SHISA9: variants seen among roughly 807,000 people sequenced by gnomAD.
The protein encoded by SHISA9 is protein shisa-9.
In SHISA9, 13 loss-of-function variants were observed where a neutral mutation model predicts 38.0. That is an observed-to-expected ratio of 0.34 (90% CI 0.22 to 0.54). SHISA9 has a LOEUF of 0.54. Among genes scored for constraint, SHISA9 ranks in the 20% least tolerant of loss-of-function variants. SHISA9 has a pLI of 0.91. For missense variants in SHISA9, 538 were observed against 575.8 expected (o/e 0.93, Z 0.67); for synonymous variants, 275 against 242.0 (o/e 1.14, Z -1.27).
At chr16:13,560,346 G>A in the SHISA9 span, among the ~76,000 whole-genome samples, 1 of 152,190 alleles carries the variant, frequency 6.6e-6, no homozygotes, top group Non-Finnish European at 1.5e-5. Context: ...CCATAGCCAG[G>A]AGGGTGTAAG....
intron 2 of SHISA9, among the ~76,000 whole-genome samples, chr16:13,000,145 T>C (rs1321972518): frequency 2.6e-5 from 4 of 152,206 alleles, no homozygotes; most frequent in Admixed American, 2.6e-4. Flanking sequence ...AGTCAAAGGT[T>C]TGGAGTCAGA....
chr16:13,068,587 G>A (rs1038183672), intron 2 of SHISA9, among the ~76,000 whole-genome samples: 17 of 152,176 alleles, frequency 1.1e-4, no homozygotes, highest in Non-Finnish European at 4.4e-5. Flanking sequence ...TTCCATCCTA[G>A]CAGCTCCGTA....
chr16:12,932,609 C>T (rs76432733), intron 2 of SHISA9, among the ~76,000 whole-genome samples: 2 of 152,154 alleles, frequency 1.3e-5, no homozygotes, highest in Non-Finnish European at 2.9e-5. Flanking sequence ...TCCCAAAGTG[C>T]TGGGATTGCA....
chr16:13,150,051 A>AC (rs1274811858), intron 2 of SHISA9, among the ~76,000 whole-genome samples: 1 of 150,250 alleles, frequency 6.7e-6, no homozygotes, highest in Non-Finnish European at 1.5e-5. Context: ...AAAAAAAAAA[A>AC]AAAACTAGCC....
chr16:13,151,127 G>C (rs1398330528), intron 2 of SHISA9, among the ~76,000 whole-genome samples: 1 of 152,062 alleles, frequency 6.6e-6, no homozygotes, highest in African/African-American at 2.4e-5. Flanking sequence ...TTTTATTTTA[G>C]ATGGAGTCTT....
At chr16:13,283,029 A>G in the SHISA9 span, among the ~76,000 whole-genome samples, 6 of 151,992 alleles carry the variant, frequency 3.9e-5, no homozygotes, top group Non-Finnish European at 7.4e-5. Context: ...TTTCTTGACT[A>G]TGGTTCATTT....
At chr16:13,104,906 T>G (rs1258182015) in intron 2 of SHISA9, among the ~76,000 whole-genome samples, 1 of 152,208 alleles carries the variant, frequency 6.6e-6, no homozygotes, top group African/African-American at 2.4e-5. Flanking sequence ...CTGACAGACC[T>G]TAATTGCTTA....
intron 2 of SHISA9, among the ~76,000 whole-genome samples, chr16:13,023,875 A>G (rs967136888): frequency 6.6e-6 from 1 of 152,192 alleles, no homozygotes; most frequent in South Asian, 2.1e-4. Flanking sequence ...ACATGGTCAT[A>G]TCTTTCAGAG....
chr16:13,015,351 C>A lies in SHISA9; in HGVS notation c.691+98536C>A, dbSNP rs74012238. 8.9e-4 allele frequency among the ~76,000 whole-genome samples: 136 copies of A among 152,308 alleles called. 1 individual carries two copies. Among genetic ancestry groups the A allele is most frequent in the African/African-American group, 3.1e-3 (130 of 41,558 alleles). On this transcript the variant is annotated intron_variant, in intron 2 of 4. Transcript: ENST00000558583. Reference sequence around the variant, plus strand: ...GCTTTAGCTATAATGAATACATAATCTTTTAATAGTCTTGTGACAATCTTG... The same window carrying A: ...GCTTTAGCTATAATGAATACATAATATTTTAATAGTCTTGTGACAATCTTG...
chr16:13,114,465 C>CAAAAAA (rs58742818), intron 2 of SHISA9, among the ~76,000 whole-genome samples: 18 of 50,866 alleles, frequency 3.5e-4, no homozygotes, highest in South Asian at 8.4e-4. Flanking sequence ...GATTCCATCT[C>CAAAAAA]AAAAAAAAAA....
At chr16:13,304,966 G>A in the SHISA9 span, among the ~76,000 whole-genome samples, 1 of 152,192 alleles carries the variant, frequency 6.6e-6, no homozygotes, top group Admixed American at 6.5e-5. Context: ...CAAGGTCAAC[G>A]TAACTATGCT....
At chr16:13,049,261 C>T (rs993513897) in intron 2 of SHISA9, among the ~76,000 whole-genome samples, 1 of 151,606 alleles carries the variant, frequency 6.6e-6, no homozygotes, top group African/African-American at 2.4e-5. Flanking sequence ...TATTTTGCCT[C>T]ATAGATATCT....
the SHISA9 span, among the ~76,000 whole-genome samples, chr16:13,526,168 A>T: frequency 6.6e-6 from 1 of 152,218 alleles, no homozygotes; most frequent in Non-Finnish European, 1.5e-5. Context: ...CACTAACAAG[A>T]TCCACCTGAG....
chr16:13,257,755 G>A, the SHISA9 span, among the ~76,000 whole-genome samples: 5 of 152,276 alleles, frequency 3.3e-5, no homozygotes, highest in Admixed American at 6.5e-5. Context: ...GAGTGTGAAA[G>A]CTCCCTCTCT....
chr16:12,921,473 A>G (rs1042085498), intron 2 of SHISA9, among the ~76,000 whole-genome samples: 16 of 152,268 alleles, frequency 1.1e-4, no homozygotes, highest in African/African-American at 2.6e-4. Flanking sequence ...GTATTTTAAC[A>G]TATTTGGGAG....
At chr16:12,986,055 G>A (rs1031817875) in intron 2 of SHISA9, among the ~76,000 whole-genome samples, 1 of 152,066 alleles carries the variant, frequency 6.6e-6, no homozygotes, top group Non-Finnish European at 1.5e-5. Context: ...CACGCTTCAG[G>A]GCTTCCTTCC....
At chr16:13,375,608 C>T in the SHISA9 span, among the ~76,000 whole-genome samples, 5,290 of 151,888 alleles carry the variant, frequency 0.035, 186 homozygotes, top group East Asian at 0.2. Context: ...GGTAGCGTGA[C>T]TTTCAAATAG....
intron 2 of SHISA9, among the ~76,000 whole-genome samples, chr16:13,107,358 C>G (rs2073935988): frequency 6.6e-6 from 1 of 151,866 alleles, no homozygotes; most frequent in African/African-American, 2.4e-5. Context: ...TCGCTTGAAC[C>G]CAGGAGGCAG....
chr16:12,980,334 T>A (rs900502959), intron 2 of SHISA9, among the ~76,000 whole-genome samples: 1 of 152,226 alleles, frequency 6.6e-6, no homozygotes, highest in African/African-American at 2.4e-5. Flanking sequence ...TTTATTGTAC[T>A]TTCATATTTG....
Sources: allele counts gnomAD v4.1 joint callset (sites outside exome capture counted in the v4.1 genomes callset), GRCh38; gene constraint gnomAD v4.1.1; transcripts MANE v1.5; gene names NCBI Gene and HGNC (gene_info 2026-07-23, HGNC 2026-07-21).